The following KIAA0825 variants were observed in gnomAD, a reference collection of about 807,000 sequenced individuals.
The protein encoded by KIAA0825 is uncharacterized protein KIAA0825.
A neutral mutation model predicts 147.6 loss-of-function variants in KIAA0825; 119 were observed. That is an observed-to-expected ratio of 0.81 (90% CI 0.69 to 0.94). The LOEUF is 0.94. KIAA0825 is among the 40% of genes least tolerant of loss of function. The probability of loss-of-function intolerance (pLI) is 0.00; values close to 1 mark genes in which losing one functional copy is unlikely to be tolerated. For synonymous variants in KIAA0825, 470 were observed against 518.1 expected (o/e 0.91, Z 1.26); for missense variants, 1,381 against 1,472.7 (o/e 0.94, Z 1.02).
chr5:94,536,525 C>G (rs531084732), intron 3 of KIAA0825, among the ~76,000 whole-genome samples: 4 of 152,188 alleles, frequency 2.6e-5, no homozygotes, highest in South Asian at 2.1e-4. Context: ...TTTGGTAACA[C>G]GACTTTTTGG....
At chr5:94,570,229 A>C in intron 2 of KIAA0825, 1 of 152,014 alleles carries the variant, frequency 6.6e-6, no homozygotes, top group Non-Finnish European at 1.5e-5. Flanking sequence ...AAGACATCCT[A>C]GGCCTATTCC....
At position 94,478,779 on chromosome 5, in the gene KIAA0825, A is replaced by T. The variant is rs150459349; in HGVS notation, c.1133-1574T>A. 6.0e-3 allele frequency among the ~76,000 whole-genome samples: 920 copies of T among 152,272 alleles called. 10 individuals are homozygous for T. Among genetic ancestry groups the T allele is most frequent in the Middle Eastern group, 0.037 (11 of 294 alleles). ...AAGCTCATTAAAAGAAAATATGGAAATTTTTTTAAAAGATCCACATAGAGA... is the reference window on the plus strand; with the variant it reads ...AAGCTCATTAAAAGAAAATATGGAATTTTTTTTAAAAGATCCACATAGAGA... On this transcript the variant is annotated intron_variant, in intron 6 of 20. Transcript: ENST00000682413.
At chr5:94,297,442 G>A (rs1007657333) in intron 20 of KIAA0825, among the ~76,000 whole-genome samples, 1 of 152,034 alleles carries the variant, frequency 6.6e-6, no homozygotes, top group Non-Finnish European at 1.5e-5. Flanking sequence ...ACACCAATAT[G>A]ATTACAAAGT....
intron 20 of KIAA0825, among the ~76,000 whole-genome samples, chr5:94,287,643 A>G (rs1777717129): frequency 6.6e-6 from 1 of 152,204 alleles, no homozygotes; most frequent in South Asian, 2.1e-4. Context: ...CTCAAGATGT[A>G]TTTAGAAGCT....
chr5:94,215,184 T>C (rs1380094092), intron 20 of KIAA0825, among the ~76,000 whole-genome samples: 1 of 152,018 alleles, frequency 6.6e-6, no homozygotes, highest in Non-Finnish European at 1.5e-5. Flanking sequence ...GCTCAAAAAA[T>C]GGCAATCAAG....
At chr5:94,369,153 G>A (rs1405993911) in intron 20 of KIAA0825, among the ~76,000 whole-genome samples, 3 of 151,846 alleles carry the variant, frequency 2.0e-5, no homozygotes, top group Non-Finnish European at 4.4e-5. Flanking sequence ...GTGAGACCTA[G>A]ACAAATAAAT....
At chr5:94,181,674 C>G (rs1349223663) in intron 20 of KIAA0825, among the ~76,000 whole-genome samples, 1 of 152,044 alleles carries the variant, frequency 6.6e-6, no homozygotes, top group Non-Finnish European at 1.5e-5. Flanking sequence ...GGGAGGATAG[C>G]TAGGAGAGAA....
chr5:94,317,457 A>G (rs906462020), intron 20 of KIAA0825, among the ~76,000 whole-genome samples: 3 of 151,948 alleles, frequency 2.0e-5, no homozygotes, highest in South Asian at 2.1e-4. Context: ...AATCAGCTCC[A>G]TAAGTGTCCA....
intron 2 of KIAA0825, among the ~76,000 whole-genome samples, chr5:94,566,106 T>A (rs1301232472): frequency 6.6e-6 from 1 of 152,226 alleles, no homozygotes; most frequent in Non-Finnish European, 1.5e-5. Flanking sequence ...TGACAGAATT[T>A]CCTTTTCTAA....
intron 1 of KIAA0825, among the ~76,000 whole-genome samples, chr5:94,591,036 C>T (rs137938663): frequency 1.3e-5 from 2 of 152,250 alleles, no homozygotes; most frequent in African/African-American, 4.8e-5. Flanking sequence ...GCTCAAGCAG[C>T]ATACATTTTC....
intron 8 of KIAA0825, among the ~76,000 whole-genome samples, chr5:94,472,346 G>T (rs1761307122): frequency 6.6e-5 from 10 of 152,094 alleles, no homozygotes. Context: ...GAAAAGTAAA[G>T]CCTATCTCCA....
chr5:94,262,223 A>G (rs771524610), intron 20 of KIAA0825, among the ~76,000 whole-genome samples: 7 of 152,106 alleles, frequency 4.6e-5, no homozygotes, highest in Non-Finnish European at 8.8e-5. Flanking sequence ...CCTAAAGGAA[A>G]TACAAATTAA....
chr5:94,365,507 C>T (rs529391414), intron 20 of KIAA0825, among the ~76,000 whole-genome samples: 1 of 152,300 alleles, frequency 6.6e-6, no homozygotes, highest in African/African-American at 2.4e-5. Context: ...GGTCCTGTTG[C>T]ACAGTAGATT....
intron 2 of KIAA0825, among the ~76,000 whole-genome samples, chr5:94,540,921 G>A (rs1773169004): frequency 6.6e-6 from 1 of 152,148 alleles, no homozygotes; most frequent in Admixed American, 6.5e-5. Context: ...AGAAGGTTAT[G>A]AAGAAAAGAA....
intron 20 of KIAA0825, among the ~76,000 whole-genome samples, chr5:94,365,838 C>T (rs920322518): frequency 1.3e-5 from 2 of 152,226 alleles, no homozygotes; most frequent in Non-Finnish European, 2.9e-5. Flanking sequence ...TTTTAGGAGT[C>T]ACGCAGCTGG....
intron 1 of KIAA0825, among the ~76,000 whole-genome samples, chr5:94,596,743 T>G (rs1561372403): frequency 6.6e-6 from 1 of 152,196 alleles, no homozygotes; most frequent in Non-Finnish European, 1.5e-5. Flanking sequence ...GTGTCATCTC[T>G]GATTTATTTC....
At chr5:94,257,692 T>C (rs1393141892) in intron 20 of KIAA0825, among the ~76,000 whole-genome samples, 1 of 152,078 alleles carries the variant, frequency 6.6e-6, no homozygotes, top group Non-Finnish European at 1.5e-5. Flanking sequence ...ATCTATAGTG[T>C]AACAAGAGAC....
chr5:94,563,355 C>G (rs1777931973), intron 2 of KIAA0825, among the ~76,000 whole-genome samples: 1 of 117,386 alleles, frequency 8.5e-6, no homozygotes, highest in African/African-American at 3.2e-5. Context: ...AAGACTCCGT[C>G]TCAAAAAAAA....
chr5:94,221,928 A>AT (rs1293325643), intron 20 of KIAA0825, among the ~76,000 whole-genome samples: 2 of 151,888 alleles, frequency 1.3e-5, no homozygotes, highest in African/African-American at 2.4e-5. Context: ...ATCAAGGCCC[A>AT]TTTTTTTCTC....
Sources: allele counts gnomAD v4.1 joint callset (sites outside exome capture counted in the v4.1 genomes callset), GRCh38; gene constraint gnomAD v4.1.1; transcripts MANE v1.5; gene names NCBI Gene and HGNC (gene_info 2026-07-23, HGNC 2026-07-21).